POLR1A: variants seen among roughly 807,000 people sequenced by gnomAD.
The protein encoded by POLR1A is DNA-directed RNA polymerase I subunit RPA1.
POLR1A carries 84 observed loss-of-function variants against 205.3 expected under a neutral mutation model. That is an observed-to-expected ratio of 0.41 (90% CI 0.34 to 0.49). The LOEUF is 0.49. Ranked by LOEUF, POLR1A falls within the 20% of genes least tolerant of loss-of-function variation. POLR1A has a pLI of 0.22. For synonymous variants in POLR1A, 799 were observed against 863.7 expected (o/e 0.93, Z 1.31); for missense variants, 1,645 against 2,204.5 (o/e 0.75, Z 5.08).
chr2:86,041,828 G>A, intron 24 of POLR1A, 61 bp downstream of exon 24: 1 of 1,407,934 alleles, frequency 7.1e-7, no homozygotes, highest in Non-Finnish European at 1.0e-6. Flanking sequence ...CAGGGGCTAG[G>A]AGGCAGGGGC....
intron 6 of POLR1A, among the ~76,000 whole-genome samples, chr2:86,085,053 C>T (rs12714167): frequency 0.37 from 56,293 of 152,114 alleles, 12,863 homozygotes; most frequent in Non-Finnish European, 0.51. Flanking sequence ...GCTCTGCCTC[C>T]TGGGTTCACG....
At chr2:86,043,670 A>G (rs1672658210) in intron 22 of POLR1A, among the ~76,000 whole-genome samples, 1 of 152,134 alleles carries the variant, frequency 6.6e-6, no homozygotes, top group East Asian at 1.9e-4. Flanking sequence ...GATGGTCACT[A>G]CAAGGGCATT....
intron 27 of POLR1A, among the ~76,000 whole-genome samples, chr2:86,037,599 C>T (rs1441984228): frequency 3.3e-5 from 5 of 152,262 alleles, no homozygotes; most frequent in Non-Finnish European, 1.5e-5. Context: ...CATTGCTTCT[C>T]TATCTGAGCA....
intron 3 of POLR1A, among the ~76,000 whole-genome samples, chr2:86,091,603 T>C (rs1673609351): frequency 6.6e-6 from 1 of 152,098 alleles, no homozygotes; most frequent in South Asian, 2.1e-4. Context: ...CTGTATATAT[T>C]TTACAAAAAA....
At chr2:86,097,557 G>A (rs1476540178) in intron 3 of POLR1A, among the ~76,000 whole-genome samples, 1 of 152,124 alleles carries the variant, frequency 6.6e-6, no homozygotes. Flanking sequence ...AATACTATTT[G>A]GCCATAATAA....
rs571684238 is a variant in POLR1A, at chr2:86,043,999, C to A, written c.3135+140G>T. 78 of 706,812 alleles carry A rather than the reference C, an allele frequency of 1.1e-4. 1 individual carries two copies. In the South Asian group the frequency reaches 1.4e-3, roughly 13 times the overall value. The allele number at this position is 706,812 out of a possible 1,614,324, so 43.8% of individuals were successfully genotyped here. A position where few individuals can be genotyped will look rare whatever the true frequency, so the allele number is the denominator to read the frequency against. ...TTGTCAAGTGTTTCAGGGCACTGACCGGTGTCTTATAAACCCTTCCCACTC... is the reference window on the plus strand; with the variant it reads ...TTGTCAAGTGTTTCAGGGCACTGACAGGTGTCTTATAAACCCTTCCCACTC... On this transcript the variant is annotated intron_variant, in intron 22 of 33. Transcript: ENST00000263857.
intron 3 of POLR1A, among the ~76,000 whole-genome samples, chr2:86,094,935 T>C (rs541133043): frequency 6.6e-6 from 1 of 152,310 alleles, no homozygotes; most frequent in African/African-American, 2.4e-5. Flanking sequence ...TTTGGGCTCA[T>C]ACATCCCATG....
chr2:86,071,128 T>C (rs1264594867), intron 12 of POLR1A, among the ~76,000 whole-genome samples: 1 of 150,248 alleles, frequency 6.7e-6, no homozygotes, highest in Admixed American at 6.6e-5. Flanking sequence ...ATAGCAATAA[T>C]GTATTACAGC....
intron 14 of POLR1A, among the ~76,000 whole-genome samples, chr2:86,062,507 C>A (rs928699500): frequency 1.3e-5 from 2 of 151,722 alleles, no homozygotes; most frequent in African/African-American, 4.8e-5. Flanking sequence ...AGAAAGTATT[C>A]TGAAGTAGAT....
At chr2:86,100,552 TA>T (rs1673800177) in intron 1 of POLR1A, among the ~76,000 whole-genome samples, 2 of 150,410 alleles carry the variant, frequency 1.3e-5, no homozygotes, top group African/African-American at 4.9e-5. Context: ...TTTTTTTTTT[TA>T]ACAAGGTCTC....
chr2:86,033,794 CA>C lies in POLR1A; in HGVS notation c.4035-8del. 1 of 1,613,782 alleles carries C rather than the reference CA, an allele frequency of 6.2e-7. No individual in the cohort carries two copies. The highest frequency in any genetic ancestry group is 1.1e-5 in the South Asian group (1 of 91,072). On this transcript the variant is annotated splice_region_variant and splice_polypyrimidine_tract_variant and intron_variant, in intron 27 of 33. Transcript: ENST00000263857. ...CATCAGAAGTTTAAAGAATCTAAAA[CA>C]AGAAGAAAGCCAAAAAGCCCTGTGC...
rs556199063 is a variant in POLR1A at position 86,023,534 on chromosome 2, C to T, written c.*3889G>A. The T allele has an allele frequency of 2.0e-5, 3 of 152,268 alleles. No homozygotes were observed. The highest frequency in any genetic ancestry group is 6.5e-5 in the Admixed American group (1 of 15,298). The allele number at this position is 152,268 out of a possible 1,614,324, so 9.4% of individuals were successfully genotyped here. ...TGATTGAAACACAGCCCACACCAAA[C>T]CACGAGATGGCACCTCATACACATT... On this transcript the variant is annotated 3_prime_UTR_variant, in exon 34 of 34. Coordinates refer to ENST00000263857, the MANE Select transcript of POLR1A (RefSeq NM_015425.6).
chr2:86,058,089 C>T (rs567023320), intron 14 of POLR1A, among the ~76,000 whole-genome samples: 2 of 135,426 alleles, frequency 1.5e-5, no homozygotes, highest in African/African-American at 5.4e-5. Context: ...ACTCTACTCT[C>T]TCTACTCTAC....
At position 86,070,705 on chromosome 2, in the gene POLR1A, G is replaced by C. The variant is rs311574; in HGVS notation, c.1612-433C>G. On this transcript the variant is annotated intron_variant, in intron 12 of 33. Transcript: ENST00000263857. This position sits in a 1 kb window ranked among gnomAD's most constrained non-coding sequence, Gnocchi z 4.4. ...TGGCAGACTTTCGAATCCCCCCCCC[G>C]CCGTGATCACATGTGAGTACATTAT... Among the ~76,000 whole-genome samples the C allele has an allele frequency of 1.3e-4, 11 of 82,666 alleles. No homozygotes were observed. Among genetic ancestry groups the C allele is most frequent in the African/African-American group, 7.4e-4 (9 of 12,088 alleles). 54.2% of individuals were successfully genotyped at this position (82,666 alleles called of 152,430 possible). A position where few individuals can be genotyped will look rare whatever the true frequency, so the allele number is the denominator to read the frequency against.
Position 86,105,854 on chromosome 2 carries a change from GC to G in POLR1A, c.-79del. 1.5e-6 allele frequency: 2 copies of G among 1,313,378 alleles called. No homozygotes were observed. The highest frequency in any genetic ancestry group is 1.1e-6 in the Non-Finnish European group (1 of 920,796). The allele number at this position is 1,313,378 out of a possible 1,614,324, so 81.4% of individuals were successfully genotyped here. On this transcript the variant is annotated 5_prime_UTR_variant, in exon 1 of 34. Transcript: ENST00000263857. The stretch of plus-strand genomic sequence containing the variant: ...CTGACTATTCTTAATTCAACCTCAA[GC>G]CCGGAGTCACCACGCGATTCAACGT...
At chr2:86,034,007 T>C (rs1450894150) in intron 27 of POLR1A, among the ~76,000 whole-genome samples, 3 of 152,204 alleles carry the variant, frequency 2.0e-5, no homozygotes, top group Non-Finnish European at 4.4e-5. Context: ...CTGGTCTCAA[T>C]AGGTGCACTG....
intron 7 of POLR1A, among the ~76,000 whole-genome samples, chr2:86,082,831 C>T (rs1364510646): frequency 2.0e-5 from 3 of 152,148 alleles, no homozygotes; most frequent in South Asian, 2.1e-4. Context: ...TTAAGTGAGG[C>T]CCACCTGCAG....
At chr2:86,031,708 A>C in intron 29 of POLR1A, 73 bp from the exon 30 acceptor site, 1 of 1,550,916 alleles carries the variant, frequency 6.4e-7, no homozygotes, top group Middle Eastern at 1.9e-4. Flanking sequence ...TGTGGAACAA[A>C]GACCCCTGCA....
intron 14 of POLR1A, among the ~76,000 whole-genome samples, chr2:86,064,594 G>T (rs57601678): frequency 0.13 from 19,876 of 152,108 alleles, 4,350 homozygotes; most frequent in African/African-American, 0.45. Flanking sequence ...TTAGTCGTGA[G>T]TATTAAATCA....
Sources: gnomAD v4.1 joint callset for allele counts (sites outside exome capture counted in the v4.1 genomes callset) on GRCh38, gnomAD v4.1.1 for gene constraint, Gnocchi (gnomAD v3.1) non-coding constraint, MANE v1.5 for transcripts, NCBI Gene and HGNC (gene_info 2026-07-23, HGNC 2026-07-21) for gene names.